ARFGEF1: variants seen among roughly 807,000 people sequenced by gnomAD.
ARFGEF1 encodes the protein ARF guanine nucleotide exchange factor 1.
In ARFGEF1, 42 loss-of-function variants were observed where a neutral mutation model predicts 231.0. That is an observed-to-expected ratio of 0.18 (90% CI 0.14 to 0.24). The LOEUF is 0.24. ARFGEF1 is among the 10% of genes least tolerant of loss of function. The pLI is 1.00. For synonymous variants in ARFGEF1, 710 were observed against 732.3 expected (o/e 0.97, Z 0.49); for missense variants, 1,345 against 2,192.0 (o/e 0.61, Z 7.72).
intron 29 of ARFGEF1, among the ~76,000 whole-genome samples, chr8:67,220,846 A>C (rs1290628057): frequency 6.6e-6 from 1 of 150,928 alleles, no homozygotes; most frequent in East Asian, 1.9e-4. Context: ...AAACACAAAG[A>C]TCAATCGTTT....
At chr8:67,320,565 A>T (rs1485987253) in intron 1 of ARFGEF1, among the ~76,000 whole-genome samples, 1 of 152,246 alleles carries the variant, frequency 6.6e-6, no homozygotes, top group Non-Finnish European at 1.5e-5. Flanking sequence ...ATGAATATTT[A>T]TAGCAGCTCT....
Position 67,301,352 on chromosome 8 carries a change from A to G in ARFGEF1, c.184T>C (p.Ser62Pro), listed in dbSNP as rs1442160635. The G allele has an allele frequency of 6.2e-7, 1 of 1,613,714 alleles. No individual in the cohort carries two copies. The highest frequency in any genetic ancestry group is 2.2e-5 in the East Asian group (1 of 44,864). ...GATTTCACTGGTGGAAGGGTGCTTG[A>G]TCCAGCTTTTGCTTCTCCATGAGGA... Reference protein sequence around the residue: ...SPPHGEAKAGSSTLPPVKSKT... With the variant: ...SPPHGEAKAGPSTLPPVKSKT... The change falls in exon 3 of 39, where the codon TCA (serine) becomes CCA (proline). Residue 62 changes from serine to proline, a missense_variant. Around this residue, in one of 14 missense-constraint regions of ARFGEF1, gnomAD observed 398 missense variants for 463.2 expected, o/e 0.86. Coordinates refer to ENST00000262215, the MANE Select transcript of ARFGEF1 (RefSeq NM_006421.5).
intron 17 of ARFGEF1, among the ~76,000 whole-genome samples, chr8:67,256,743 G>C (rs1263967330): frequency 6.6e-6 from 1 of 152,110 alleles, no homozygotes; most frequent in East Asian, 1.9e-4. Context: ...TTTTAAGTAG[G>C]TATCAGAAAT....
intron 1 of ARFGEF1, among the ~76,000 whole-genome samples, chr8:67,338,349 A>T (rs1178253028): frequency 6.6e-6 from 1 of 152,172 alleles, no homozygotes; most frequent in Non-Finnish European, 1.5e-5. Context: ...TTCTTTCCCC[A>T]GTGTCCCAAA....
At chr8:67,268,866 C>T (rs1004055292) in intron 10 of ARFGEF1, among the ~76,000 whole-genome samples, 1 of 152,122 alleles carries the variant, frequency 6.6e-6, no homozygotes, top group South Asian at 2.1e-4. Context: ...GGAGGTATTC[C>T]TCTGGCCAAA....
intron 1 of ARFGEF1, among the ~76,000 whole-genome samples, chr8:67,304,332 GT>G (rs1314267415): frequency 7.2e-5 from 11 of 152,188 alleles, no homozygotes; most frequent in Non-Finnish European, 1.3e-4. Context: ...CAGTATTTCA[GT>G]TTAGTTTTCT....
At chr8:67,312,545 C>T (rs567749829) in intron 1 of ARFGEF1, among the ~76,000 whole-genome samples, 1 of 152,206 alleles carries the variant, frequency 6.6e-6, no homozygotes, top group Non-Finnish European at 1.5e-5. Context: ...ACAAACAAAC[C>T]TGTCACCACA....
chr8:67,343,412 G>C lies in ARFGEF1; in HGVS notation c.-125C>G. On this transcript the variant is annotated 5_prime_UTR_variant, in exon 1 of 39. Transcript: ENST00000262215. ...GGTGGAGGTGGGGGATTGGAGGCGT[G>C]GAGGGCAGCGGCAGGATCAGGAAGG... 6.9e-7 allele frequency: 1 copy of C among 1,445,460 alleles called. No individual in the cohort carries two copies. 89.5% of individuals were successfully genotyped at this position (1,445,460 alleles called of 1,614,324 possible).
intron 8 of ARFGEF1, 23 bp from the exon 9 acceptor site, chr8:67,276,132 A>C: frequency 6.2e-7 from 1 of 1,611,274 alleles, no homozygotes; most frequent in Non-Finnish European, 8.5e-7. Context: ...ACATACCATG[A>C]AAATTTTAGA....
chr8:67,187,363 G>A (rs1164883895), intron 5 of ARFGEF1, among the ~76,000 whole-genome samples: 1 of 152,154 alleles, frequency 6.6e-6, no homozygotes, highest in East Asian at 1.9e-4. Flanking sequence ...TGAAAGAACA[G>A]ACAAATAGAC....
At chr8:67,335,489 A>C (rs1808302884) in intron 1 of ARFGEF1, among the ~76,000 whole-genome samples, 1 of 152,164 alleles carries the variant, frequency 6.6e-6, no homozygotes, top group Non-Finnish European at 1.5e-5. Context: ...CAAATTACCA[A>C]ACTTACTGGA....
chr8:67,174,469 A>C (rs576673263), downstream of ARFGEF1: 1 of 152,266 alleles, frequency 6.6e-6, no homozygotes, highest in South Asian at 2.1e-4. Flanking sequence ...AGATTAAAAA[A>C]TTTTTATTCT....
intron 2 of ARFGEF1, among the ~76,000 whole-genome samples, chr8:67,301,693 A>G (rs1412703484): frequency 6.6e-6 from 1 of 152,218 alleles, no homozygotes; most frequent in Non-Finnish European, 1.5e-5. Flanking sequence ...ATTTGGTATC[A>G]TAATACCTTA....
intron 9 of ARFGEF1, among the ~76,000 whole-genome samples, chr8:67,273,414 T>C (rs1445868371): frequency 1.4e-5 from 2 of 140,890 alleles, no homozygotes; most frequent in African/African-American, 5.5e-5. Context: ...TTTTTTTTTT[T>C]TTCCCAAAAA....
intron 30 of ARFGEF1, 33 bp from the exon 31 acceptor site, chr8:67,218,171 C>T (rs199542662): frequency 2.4e-5 from 29 of 1,210,600 alleles, no homozygotes; most frequent in East Asian, 3.1e-5. Context: ...AACATCACGC[C>T]ATTAATCAAC....
chr8:67,213,335 G>C (rs1005264097), intron 33 of ARFGEF1, among the ~76,000 whole-genome samples: 1 of 152,222 alleles, frequency 6.6e-6, no homozygotes, highest in East Asian at 1.9e-4. Context: ...TTAAATAAGA[G>C]TATTGTTTCA....
intron 1 of ARFGEF1, among the ~76,000 whole-genome samples, chr8:67,302,906 TAAAA>T (rs139020447): frequency 0.031 from 3,167 of 101,996 alleles, 132 homozygotes; most frequent in African/African-American, 0.094. Flanking sequence ...CCCCATCTCT[TAAAA>T]AAAAAAAAAA....
At chr8:67,273,559 G>A (rs368025558) in intron 9 of ARFGEF1, among the ~76,000 whole-genome samples, 22 of 151,500 alleles carry the variant, frequency 1.5e-4, no homozygotes, top group African/African-American at 3.9e-4. Context: ...AAGAAGCTAC[G>A]TAAATCTAAT....
At chr8:67,321,405 G>A (rs186616405) in intron 1 of ARFGEF1, among the ~76,000 whole-genome samples, 169 of 152,270 alleles carry the variant, frequency 1.1e-3, no homozygotes, top group Middle Eastern at 6.8e-3. Flanking sequence ...GAAGCTCCAC[G>A]GGTGATCTTG....
Sources: gnomAD v4.1 joint callset for allele counts (sites outside exome capture counted in the v4.1 genomes callset) on GRCh38, gnomAD v4.1.1 for gene constraint, gnomAD v4.1.1 regional missense constraint, MANE v1.5 for transcripts, NCBI Gene and HGNC (gene_info 2026-07-23, HGNC 2026-07-21) for gene names.